Variants in HLCS observed in about 807,000 individuals in gnomAD.
The protein encoded by HLCS is holocarboxylase synthetase.
HLCS carries 53 observed loss-of-function variants against 75.0 expected under a neutral mutation model. The observed-to-expected ratio is 0.71, with a 90% CI of 0.57 to 0.89. The LOEUF (loss-of-function observed/expected upper bound fraction) is 0.89, where lower values mean the gene tolerates loss of function less well. HLCS is among the 40% of genes least tolerant of loss of function. The pLI, the probability that HLCS is intolerant of heterozygous loss-of-function variation, is 0.00. For synonymous variants in HLCS, 431 were observed against 428.6 expected (o/e 1.01, Z -0.07); for missense variants, 966 against 1,074.0 (o/e 0.90, Z 1.41).
chr21:36,942,847 G>A (rs867452713), intron 2 of HLCS, among the ~76,000 whole-genome samples: 6 of 151,564 alleles, frequency 4.0e-5, no homozygotes, highest in South Asian at 2.1e-4. Context: ...GGAGAATGGC[G>A]TGAACCCCGG....
In HLCS at chr21:36,986,148, A is replaced by AGTTTG; in HGVS notation, c.-393+4005_-393+4009dup. Among the ~76,000 whole-genome samples, 5 of 152,108 alleles carry AGTTTG rather than the reference A, an allele frequency of 3.3e-5. No individual in the cohort carries two copies. The South Asian group carries it at 1.0e-3, about 32-fold the overall frequency. On this transcript the variant is annotated intron_variant, in intron 1 of 11. Transcript: ENST00000336648. ...GGAGTGGGCTCCTGATAAAGGGATGAGTTTGGCCCCTTCCTTTCTCTTTCC... is the reference window on the plus strand; with the variant it reads ...GGAGTGGGCTCCTGATAAAGGGATGAGTTTGGTTTGGCCCCTTCCTTTCTCTTTCC...
upstream of HLCS, among the ~76,000 whole-genome samples, chr21:36,970,952 C>T (rs1243949514): frequency 2.0e-5 from 3 of 151,068 alleles, no homozygotes; most frequent in Non-Finnish European, 4.4e-5. Flanking sequence ...CAAGATTGCG[C>T]CACTGCACTC....
intron 2 of HLCS, among the ~76,000 whole-genome samples, chr21:36,953,846 T>C (rs1369022271): frequency 6.6e-6 from 1 of 152,162 alleles, no homozygotes; most frequent in Non-Finnish European, 1.5e-5. Flanking sequence ...CCACATAATG[T>C]CTCGCCCAAC....
intron 1 of HLCS, among the ~76,000 whole-genome samples, chr21:36,979,613 G>T (rs2835557): frequency 0.37 from 56,488 of 151,944 alleles, 10,601 homozygotes; most frequent in East Asian, 0.5. Flanking sequence ...GCAGGTAGCT[G>T]GTGATAAAAC....
chr21:36,956,452 GGTGT>G, intron 2 of HLCS, among the ~76,000 whole-genome samples: 1 of 152,224 alleles, frequency 6.6e-6, no homozygotes, highest in South Asian at 2.1e-4. Flanking sequence ...TTGTAGGCCA[GGTGT>G]GGTGGCTCAC....
At chr21:36,817,270 T>C (rs1020087321) in intron 6 of HLCS, among the ~76,000 whole-genome samples, 2 of 152,252 alleles carry the variant, frequency 1.3e-5, no homozygotes, top group Non-Finnish European at 2.9e-5. Context: ...TGTAACCATT[T>C]ACGTCTTTGC....
chr21:36,833,188 AT>A (rs11445706), intron 6 of HLCS, among the ~76,000 whole-genome samples: 135 of 146,384 alleles, frequency 9.2e-4, no homozygotes, highest in Non-Finnish European at 1.0e-3. Context: ...GCCTAGCTAA[AT>A]TTTTTTTTTT....
At chr21:36,899,474 A>G (rs2065147390) in intron 5 of HLCS, among the ~76,000 whole-genome samples, 3 of 152,046 alleles carry the variant, frequency 2.0e-5, no homozygotes, top group African/African-American at 4.8e-5. Context: ...AAATACAAAA[A>G]TTAACTGGGC....
At chr21:36,928,566 C>T (rs922918339) in intron 5 of HLCS, among the ~76,000 whole-genome samples, 1 of 151,982 alleles carries the variant, frequency 6.6e-6, no homozygotes, top group Non-Finnish European at 1.5e-5. Context: ...CAAGACCCTG[C>T]CTCAAAAACT....
chr21:36,968,822 TCTC>T (rs1801556897), upstream of HLCS: 1 of 152,198 alleles, frequency 6.6e-6, no homozygotes, highest in African/African-American at 2.4e-5. Context: ...GGAGAGGTCA[TCTC>T]CTCTATCTGA....
At chr21:36,874,338 C>T (rs1390341015) in intron 6 of HLCS, among the ~76,000 whole-genome samples, 2 of 151,580 alleles carry the variant, frequency 1.3e-5, no homozygotes, top group African/African-American at 2.4e-5. Flanking sequence ...GGAGGTGGAG[C>T]TTGCAGTGAG....
chr21:36,806,470 GA>G (rs899988195), intron 6 of HLCS, among the ~76,000 whole-genome samples: 3 of 149,852 alleles, frequency 2.0e-5, no homozygotes, highest in Non-Finnish European at 3.0e-5. Flanking sequence ...TGAGGTTTCC[GA>G]AAAAAAAACC....
intron 5 of HLCS, among the ~76,000 whole-genome samples, chr21:36,927,995 T>C (rs1006703552): frequency 1.7e-4 from 26 of 152,026 alleles, no homozygotes; most frequent in African/African-American, 6.0e-4. Flanking sequence ...CTGAGATCTG[T>C]TAAGTAGGGA....
At chr21:36,782,485 G>A (rs1383597273) in intron 6 of HLCS, among the ~76,000 whole-genome samples, 1 of 152,146 alleles carries the variant, frequency 6.6e-6, no homozygotes, top group African/African-American at 2.4e-5. Flanking sequence ...TAATACTCCA[G>A]ACAAACAGGC....
chr21:36,785,838 C>A (rs2060670767), intron 6 of HLCS, among the ~76,000 whole-genome samples: 1 of 152,158 alleles, frequency 6.6e-6, no homozygotes, highest in Non-Finnish European at 1.5e-5. Context: ...TCACCCACTC[C>A]CTCCCACCTA....
At chr21:36,904,303 T>A (rs2065359663) in intron 5 of HLCS, among the ~76,000 whole-genome samples, 1 of 152,226 alleles carries the variant, frequency 6.6e-6, no homozygotes, top group Non-Finnish European at 1.5e-5. Flanking sequence ...AGAAATTACA[T>A]CATCATTGTT....
At chr21:36,775,827 G>A (rs1460753627) in intron 6 of HLCS, among the ~76,000 whole-genome samples, 5 of 152,336 alleles carry the variant, frequency 3.3e-5, no homozygotes, top group East Asian at 3.9e-4. Context: ...GATGGACACC[G>A]ACTCACGTGG....
chr21:36,804,506 C>T (rs557706219), intron 6 of HLCS, among the ~76,000 whole-genome samples: 1 of 152,310 alleles, frequency 6.6e-6, no homozygotes, highest in South Asian at 2.1e-4. Flanking sequence ...CAGAATTACC[C>T]ACCATGACCT....
At chr21:36,870,536 A>T (rs1177578394) in intron 6 of HLCS, among the ~76,000 whole-genome samples, 2 of 152,204 alleles carry the variant, frequency 1.3e-5, no homozygotes, top group Non-Finnish European at 1.5e-5. Flanking sequence ...TACCTATGTC[A>T]TCCTCCAACG....
Sources: allele counts gnomAD v4.1 joint callset (sites outside exome capture counted in the v4.1 genomes callset), GRCh38; gene constraint gnomAD v4.1.1; transcripts MANE v1.5; gene names NCBI Gene and HGNC (gene_info 2026-07-23, HGNC 2026-07-21).